The following MUC22 variants were observed in gnomAD, a reference collection of about 807,000 sequenced individuals.
MUC22 encodes the protein mucin-22.
In MUC22, 24 loss-of-function variants were observed where a neutral mutation model predicts 40.3. That is an observed-to-expected ratio of 0.60 (90% CI 0.43 to 0.84). MUC22 has a LOEUF of 0.84. Among genes scored for constraint, MUC22 ranks in the 40% least tolerant of loss-of-function variants. The pLI is 0.00. For synonymous variants in MUC22, 765 were observed against 844.5 expected, an observed-to-expected ratio of 0.91 and a Z score of 1.63; for missense variants, 1,926 against 2,130.7, an observed-to-expected ratio of 0.90 and a Z score of 1.89.
chr6:31,022,641 ATGACAACAGTGG>A (rs1764955191), intron 1 of MUC22, among the ~76,000 whole-genome samples: 1 of 152,210 alleles, frequency 6.6e-6, no homozygotes, highest in African/African-American at 2.4e-5. Flanking sequence ...CATAAAATGT[ATGACAACAGTGG>A]TACAAGGGAT....
chr6:31,016,224 T>C (rs1379522335), intron 1 of MUC22, among the ~76,000 whole-genome samples: 2 of 152,188 alleles, frequency 1.3e-5, no homozygotes, highest in African/African-American at 2.4e-5. Flanking sequence ...CAGTTCTCTC[T>C]GGCTTTGCTT....
exon 2 of MUC22, chr6:31,027,563 A>G (rs1399033496): frequency 6.6e-7 from 1 of 1,521,792 alleles, no homozygotes; most frequent in Non-Finnish European, 8.8e-7. Context: ...GCTTCTACTG[A>G]AGGTTCTGAG....
intron 1 of MUC22, among the ~76,000 whole-genome samples, chr6:31,013,437 A>G (rs567540361): frequency 2.2e-4 from 33 of 151,988 alleles, no homozygotes; most frequent in South Asian, 1.7e-3. Flanking sequence ...CCTCACCCCC[A>G]TTCTTGAAGG....
At chr6:31,018,194 TGGTTTCAGTATCTCCA>T (rs57175035) in intron 1 of MUC22, among the ~76,000 whole-genome samples, 22,045 of 152,192 alleles carry the variant, frequency 0.14, 1,745 homozygotes, top group African/African-American at 0.19. Flanking sequence ...AGAGTTTCTT[TGGTTTCAGTATCTCCA>T]GAGATAAAAC....
Position 31,029,256 on chromosome 6 carries a change from T to TCC in MUC22, c.3825_3826insCC (p.Thr1276ProfsTer121). The TCC allele has an allele frequency of 6.6e-7, 1 of 1,519,124 alleles. No individual in the cohort carries two copies. The highest frequency in any genetic ancestry group is 8.8e-7 in the Non-Finnish European group (1 of 1,140,930). The allele number at this position is 1,519,124 out of a possible 1,614,324, so 94.1% of individuals were successfully genotyped here. ...CAGTCTCTACCACAGGCACTGAGAC[T>TCC]ACCATCACCTCTACTGAAGGTTCAG... is the stretch of plus-strand genomic sequence containing the variant. On this transcript the variant is annotated frameshift_variant, in exon 2 of 4. Coordinates refer to ENST00000561890, the Ensembl canonical transcript of MUC22. LOFTEE classifies it high-confidence loss of function.
At chr6:31,010,473 G>GA (rs1253647111), upstream of MUC22, 2 of 542,076 alleles carry the variant, frequency 3.7e-6, no homozygotes, top group African/African-American at 1.9e-5. Context: ...CGTTTGCGAG[G>GA]AAAAAAGAAG....
chr6:31,017,168 A>G (rs1033273506), intron 1 of MUC22, among the ~76,000 whole-genome samples: 1 of 152,208 alleles, frequency 6.6e-6, no homozygotes, highest in African/African-American at 2.4e-5. Flanking sequence ...AGACTGCCCA[A>G]GGGCTGAGGA....
chr6:31,027,890 C>G lies in MUC22; in HGVS notation c.2459C>G (p.Thr820Ser), dbSNP rs1460923221. The change falls in exon 2 of 4, where the codon ACC (threonine) becomes AGC (serine). Residue 820 changes from threonine to serine, a missense_variant. Around this residue, in one of 3 missense-constraint regions of MUC22, gnomAD observed 1,281 missense variants for 1,337.8 expected, o/e 0.96. Transcript: ENST00000561890. Reference sequence around the variant, plus strand: ...GGCTCTGAGATGACTACAGTCTCCACCACAGGTGCTGAGACCACCACAGAC... The same window carrying G: ...GGCTCTGAGATGACTACAGTCTCCAGCACAGGTGCTGAGACCACCACAGAC... The G allele has an allele frequency of 6.5e-7, 1 of 1,534,870 alleles. No individual in the cohort carries two copies. The highest frequency in any genetic ancestry group is 8.7e-7 in the Non-Finnish European group (1 of 1,146,658).
intron 1 of MUC22, among the ~76,000 whole-genome samples, chr6:31,022,083 C>T (rs1248574890): frequency 1.3e-5 from 2 of 152,016 alleles, no homozygotes; most frequent in Non-Finnish European, 2.9e-5. Context: ...ACTCATGAGC[C>T]AGCGAGAGCA....
chr6:31,010,794 TAAG>T lies in MUC22; in HGVS notation c.70+19_70+21del. On this transcript the variant is annotated intron_variant, in intron 1 of 3. Transcript: ENST00000561890. ...GGGACCCAGTAAGTGACTTAGCAGT[TAAG>T]GAGGGAGAGGGGCATGGAGGCCACA... The T allele has an allele frequency of 1.4e-6, 1 of 702,484 alleles. No individual in the cohort carries two copies. Among genetic ancestry groups the T allele is most frequent in the South Asian group, 1.5e-5 (1 of 67,582 alleles). The allele number at this position is 702,484 out of a possible 1,614,324, so 43.5% of individuals were successfully genotyped here. A position where few individuals can be genotyped will look rare whatever the true frequency, so the allele number is the denominator to read the frequency against.
exon 4 of MUC22, chr6:31,035,304 T>G (rs1461987298): frequency 3.8e-6 from 1 of 263,304 alleles, no homozygotes; most frequent in Non-Finnish European, 7.1e-6. Context: ...CACATCAGGG[T>G]CAACGTTTCT....
At chr6:31,025,555 A>C in exon 2 of MUC22, 1 of 1,529,276 alleles carries the variant, frequency 6.5e-7, no homozygotes, top group South Asian at 1.2e-5. Flanking sequence ...CACAGCCTCC[A>C]TCACAGGCTC....
At position 31,027,859 on chromosome 6, in the gene MUC22, A is replaced by G. The variant is rs551393096; in HGVS notation, c.2428A>G (p.Thr810Ala). ...AGGCTTGGAGACCACCACCACTTCC[A>G]CTGAAGGCTCTGAGATGACTACAGT... The change falls in exon 2 of 4, where the codon ACT (threonine) becomes GCT (alanine). Residue 810 changes from threonine to alanine, a missense_variant. By Grantham distance (58) the Thr-to-Ala change is moderately conservative (BLOSUM62 0). Around this residue, in one of 3 missense-constraint regions of MUC22, gnomAD observed 1,281 missense variants for 1,337.8 expected, o/e 0.96. Transcript: ENST00000561890. The G allele has an allele frequency of 9.9e-5, 152 of 1,534,610 alleles. 8 individuals are homozygous for G. In the East Asian group the frequency reaches 3.6e-3, roughly 36 times the overall value.
intron 1 of MUC22, 67 bp from the exon 2 acceptor site, chr6:31,025,435 A>G (rs1165543310): frequency 7.1e-7 from 1 of 1,412,354 alleles, no homozygotes; most frequent in African/African-American, 1.4e-5. Context: ...TGTGAAAGTA[A>G]CACTATACTA....
exon 2 of MUC22, chr6:31,027,359 C>G (rs1302108428): frequency 3.3e-6 from 5 of 1,533,334 alleles, no homozygotes; most frequent in African/African-American, 1.4e-5. Flanking sequence ...ACTGAAGGCT[C>G]TGAGGCCACT....
chr6:31,021,129 G>A (rs9262513), intron 1 of MUC22, among the ~76,000 whole-genome samples: 22,101 of 152,280 alleles, frequency 0.15, 1,764 homozygotes, highest in African/African-American at 0.19. Flanking sequence ...GGACTGGCAG[G>A]CAGCTCCACC....
rs1313615841 is a variant in MUC22, at chr6:31,034,801, CATGGAGGAGAACTTGAA to C, written c.5190_5206del (p.Gly1731ThrfsTer81). On this transcript the variant is annotated frameshift_variant, in exon 4 of 4. Coordinates refer to ENST00000561890, the Ensembl canonical transcript of MUC22. LOFTEE classifies it low-confidence loss of function (END_TRUNC). Reference sequence around the variant, plus strand: ...CCACAGCCTGGGAAATGCACTGGTTCATGGAGGAGAACTTGAAATGGGACATGGAGGAACACACGGCT... The same window carrying C: ...CCACAGCCTGGGAAATGCACTGGTTCATGGGACATGGAGGAACACACGGCT... 6.5e-7 allele frequency: 1 copy of C among 1,535,566 alleles called. No individual in the cohort carries two copies.
chr6:31,014,296 C>T (rs1415743834), intron 1 of MUC22, among the ~76,000 whole-genome samples: 3 of 150,914 alleles, frequency 2.0e-5, no homozygotes, highest in African/African-American at 4.8e-5. Flanking sequence ...CAGAAGTATC[C>T]CTGTCTTTTC....
chr6:31,022,182 C>CA (rs1270268919), intron 1 of MUC22, among the ~76,000 whole-genome samples: 3 of 152,218 alleles, frequency 2.0e-5, no homozygotes, highest in Admixed American at 1.3e-4. Context: ...CTGTAACACT[C>CA]ACTGTGAGGG....
Sources: allele counts gnomAD v4.1 joint callset (sites outside exome capture counted in the v4.1 genomes callset), GRCh38; gene constraint gnomAD v4.1.1; regional missense constraint gnomAD v4.1.1; transcripts MANE v1.5; gene names NCBI Gene and HGNC (gene_info 2026-07-23, HGNC 2026-07-21).